Variants in OBP2B observed in about 807,000 individuals in gnomAD.
OBP2B encodes the protein odorant-binding protein 2b.
Under a neutral mutation model 21.7 loss-of-function variants are expected in OBP2B, and 10 were observed. That is an observed-to-expected ratio of 0.46 (90% confidence interval 0.28 to 0.78). The LOEUF is 0.78. Ranked by LOEUF, OBP2B falls within the 30% of genes least tolerant of loss-of-function variation. OBP2B has a pLI of 0.11. For synonymous variants in OBP2B, 73 were observed against 91.5 expected, an observed-to-expected ratio of 0.80 and a Z score of 1.16; for missense variants, 153 against 217.7, an observed-to-expected ratio of 0.70 and a Z score of 1.87.
chr9:133,216,800 T>C, the OBP2B span, among the ~76,000 whole-genome samples: 4 of 152,166 alleles, frequency 2.6e-5, no homozygotes, highest in East Asian at 7.7e-4. Context: ...ACGACATTCT[T>C]GCAATGAGCA....
In OBP2B at chr9:133,206,552, G is replaced by T. The variant is rs73562304; in HGVS notation, c.389-136C>A. 3,332 of 1,145,374 alleles carry T rather than the reference G, an allele frequency of 2.9e-3. 70 individuals are homozygous for T. The African/African-American group carries it at 0.046, about 16-fold the overall frequency. The allele number at this position is 1,145,374 out of a possible 1,614,324, so 71.0% of individuals were successfully genotyped here. A position where few individuals can be genotyped will look rare whatever the true frequency, so the allele number is the denominator to read the frequency against. The stretch of plus-strand genomic sequence containing the variant: ...CCTGAGAGTGGATCAGAGCTCGGGG[G>T]TGGGGCTGGGGACAGAGGAGATGGC... On this transcript the variant is annotated intron_variant, in intron 4 of 6. Transcript: ENST00000372034.
chr9:133,215,544 A>T, the OBP2B span, among the ~76,000 whole-genome samples: 2 of 151,958 alleles, frequency 1.3e-5, no homozygotes, highest in African/African-American at 4.8e-5. Context: ...TTAGAGACAG[A>T]GTCTTGCTCT....
the OBP2B span, among the ~76,000 whole-genome samples, chr9:133,218,747 G>T: frequency 6.6e-6 from 1 of 152,190 alleles, no homozygotes; most frequent in Non-Finnish European, 1.5e-5. Context: ...ACCCAACAGA[G>T]CAAGGAGTCA....
chr9:133,210,154 C>T (rs541751060), upstream of OBP2B, among the ~76,000 whole-genome samples: 5 of 152,250 alleles, frequency 3.3e-5, no homozygotes, highest in Admixed American at 3.3e-4. Context: ...CCTGGCTCTG[C>T]TGGCCTCATC....
intron 6 of OBP2B, 115 bp downstream of exon 6, chr9:133,205,802 C>A: frequency 7.6e-7 from 1 of 1,324,308 alleles, no homozygotes; most frequent in Non-Finnish European, 1.1e-6. Context: ...CGTGCCTGAC[C>A]CTGGGGGGGT....
At chr9:133,207,748 G>A (rs557089526) in intron 3 of OBP2B, 28 of 808,440 alleles carry the variant, frequency 3.5e-5, no homozygotes, top group African/African-American at 2.9e-4. Context: ...CTTGGCCCCC[G>A]TCCCTAACCC....
chr9:133,208,963 G>A (rs1176676785), intron 1 of OBP2B, among the ~76,000 whole-genome samples, 165 bp downstream of exon 1: 8 of 151,446 alleles, frequency 5.3e-5, no homozygotes, highest in Middle Eastern at 3.4e-3. Context: ...TCGGGGGGCC[G>A]TGTCTGCTGG....
the OBP2B span, among the ~76,000 whole-genome samples, chr9:133,215,600 C>T: frequency 6.6e-6 from 1 of 152,048 alleles, no homozygotes; most frequent in Non-Finnish European, 1.5e-5. Flanking sequence ...CTCATTGCAA[C>T]CTCCACCTCC....
At chr9:133,213,891 T>C (rs188841643), upstream of OBP2B, among the ~76,000 whole-genome samples, 72 of 152,300 alleles carry the variant, frequency 4.7e-4, no homozygotes, top group South Asian at 6.0e-3. Flanking sequence ...TCTCAGAAGA[T>C]GAGAGAATAT....
At chr9:133,209,852 C>T (rs1482624845), upstream of OBP2B, among the ~76,000 whole-genome samples, 5 of 152,142 alleles carry the variant, frequency 3.3e-5, no homozygotes, top group African/African-American at 1.2e-4. The surrounding 1 kb of genome is among the most constrained non-coding windows in gnomAD (Gnocchi z 6.0). Context: ...CTCCTCGGGC[C>T]ATATGAGGGA....
chr9:133,218,554 G>A, the OBP2B span, among the ~76,000 whole-genome samples: 3 of 152,168 alleles, frequency 2.0e-5, no homozygotes, highest in Non-Finnish European at 4.4e-5. Context: ...GGAGAACAGG[G>A]GATGGACCTA....
chr9:133,216,912 A>C, the OBP2B span, among the ~76,000 whole-genome samples: 1 of 152,236 alleles, frequency 6.6e-6, no homozygotes, highest in African/African-American at 2.4e-5. Context: ...TTACAACTGC[A>C]TGGGAATCTA....
upstream of OBP2B, among the ~76,000 whole-genome samples, chr9:133,212,713 T>C (rs1357122905): frequency 6.6e-6 from 1 of 152,198 alleles, no homozygotes; most frequent in African/African-American, 2.4e-5. Context: ...GGTGGATCAC[T>C]TGCGATCAGG....
Position 133,207,274 on chromosome 9 carries a change from A to G in OBP2B, c.340T>C (p.Cys114Arg). ...AGGCCCCCATGGTGCTGGTCTTTGC[A>G]GTAAAAGATGTAGTGGTCCCTCCTG... ...LPRRDHYIFY[C>R]KDQHHGGLLH... Residue 114 changes from cysteine (C) to arginine (R), a missense_variant, in exon 4 of 7, where the codon TGC becomes CGC. Cys to Arg is a radical substitution (Grantham distance 180). Coordinates refer to ENST00000372034, the MANE Select transcript of OBP2B (RefSeq NM_014581.4). 6.2e-7 allele frequency: 1 copy of G among 1,613,896 alleles called. No individual in the cohort carries two copies. The highest frequency in any genetic ancestry group is 8.5e-7 in the Non-Finnish European group (1 of 1,179,868).
Position 133,205,950 on chromosome 9 carries a change from C to A in OBP2B, c.491-10G>T. Reference sequence around the variant, plus strand: ...TCGGGAACGCAGCTTCCTGCAGAGACCAAGAAAAACCCAGGGATTAGAAGG... The same window carrying A: ...TCGGGAACGCAGCTTCCTGCAGAGAACAAGAAAAACCCAGGGATTAGAAGG... On this transcript the variant is annotated splice_polypyrimidine_tract_variant and intron_variant, in intron 5 of 6. Coordinates refer to ENST00000372034, the MANE Select transcript of OBP2B (RefSeq NM_014581.4). The A allele has an allele frequency of 6.2e-7, 1 of 1,613,896 alleles. No homozygotes were observed. The highest frequency in any genetic ancestry group is 1.1e-5 in the South Asian group (1 of 91,082).
the OBP2B span, among the ~76,000 whole-genome samples, chr9:133,219,379 C>T: frequency 6.6e-6 from 1 of 152,110 alleles, no homozygotes; most frequent in Non-Finnish European, 1.5e-5. Flanking sequence ...TGACAAGAGT[C>T]GAGTCTAGTA....
intron 4 of OBP2B, 57 bp downstream of exon 4, chr9:133,207,169 G>A (rs1322897577): frequency 1.5e-5 from 18 of 1,211,186 alleles, no homozygotes; most frequent in South Asian, 4.8e-5. Flanking sequence ...TGGTTCCACC[G>A]GCTTCCAGAG....
chr9:133,214,381 A>G, the OBP2B span, among the ~76,000 whole-genome samples: 1 of 152,246 alleles, frequency 6.6e-6, no homozygotes, highest in Non-Finnish European at 1.5e-5. Flanking sequence ...CAGTAGAGGA[A>G]TGGCCAGGCC....
intron 3 of OBP2B, 94 bp downstream of exon 3, chr9:133,208,039 A>C (rs1833795369): frequency 6.7e-7 from 1 of 1,492,534 alleles, no homozygotes; most frequent in East Asian, 2.5e-5. Flanking sequence ...GGGCCCTGGC[A>C]AAAGGGCAGC....
Sources: gnomAD v4.1 joint callset for allele counts (sites outside exome capture counted in the v4.1 genomes callset) on GRCh38, gnomAD v4.1.1 for gene constraint, Gnocchi (gnomAD v3.1) non-coding constraint, MANE v1.5 for transcripts, NCBI Gene and HGNC (gene_info 2026-07-23, HGNC 2026-07-21) for gene names.